Variants in PPM1H observed in about 807,000 individuals in gnomAD.
PPM1H encodes protein phosphatase 1H.
Under a neutral mutation model 54.9 loss-of-function variants are expected in PPM1H, and 27 were observed. The ratio of observed to expected loss-of-function variants is 0.49; its 90% CI spans 0.36 to 0.68. PPM1H has a LOEUF of 0.68. PPM1H is among the 30% of genes least tolerant of loss of function. The pLI, the probability that PPM1H is intolerant of heterozygous loss-of-function variation, is 0.00. For synonymous variants in PPM1H, 305 were observed against 270.8 expected (o/e 1.13, Z -1.24); for missense variants, 596 against 667.8 (o/e 0.89, Z 1.19).
At chr12:62,710,849 G>A (rs750332246) in intron 6 of PPM1H, among the ~76,000 whole-genome samples, 1 of 152,142 alleles carries the variant, frequency 6.6e-6, no homozygotes, top group African/African-American at 2.4e-5. Context: ...ACCTCCTGAG[G>A]CCAGCAGCAG....
intron 1 of PPM1H, among the ~76,000 whole-genome samples, chr12:62,868,014 T>C (rs1051258426): frequency 2.6e-5 from 4 of 152,160 alleles, no homozygotes; most frequent in East Asian, 1.9e-4. Context: ...TGTCTCACCA[T>C]GTCTAACAAG....
chr12:62,924,617 G>T (rs937214002), intron 1 of PPM1H, among the ~76,000 whole-genome samples: 2 of 152,172 alleles, frequency 1.3e-5, no homozygotes, highest in African/African-American at 4.8e-5. Context: ...GGCCGGCACA[G>T]AATTTTATGT....
intron 2 of PPM1H, among the ~76,000 whole-genome samples, chr12:62,825,615 G>A (rs1407267974): frequency 6.6e-6 from 1 of 152,114 alleles, no homozygotes; most frequent in Non-Finnish European, 1.5e-5. Context: ...CCATCATTCT[G>A]AGCAAACTAT....
chr12:62,833,702 C>CT (rs1868418852), intron 1 of PPM1H, among the ~76,000 whole-genome samples: 1 of 152,208 alleles, frequency 6.6e-6, no homozygotes, highest in Non-Finnish European at 1.5e-5. Context: ...TTCTGCCAAA[C>CT]TCTGGAACTC....
intron 1 of PPM1H, among the ~76,000 whole-genome samples, chr12:62,921,993 C>T (rs989082081): frequency 1.3e-5 from 2 of 152,126 alleles, no homozygotes; most frequent in African/African-American, 2.4e-5. Flanking sequence ...AAAAAAGAAA[C>T]ATCACTACAT....
At chr12:62,926,186 A>G (rs1027494752) in intron 1 of PPM1H, among the ~76,000 whole-genome samples, 1 of 152,184 alleles carries the variant, frequency 6.6e-6, no homozygotes, top group African/African-American at 2.4e-5. Context: ...TGGAGAAGTC[A>G]CCCGTGCCCT....
At chr12:62,744,332 G>A (rs928905061) in intron 4 of PPM1H, among the ~76,000 whole-genome samples, 6 of 152,072 alleles carry the variant, frequency 3.9e-5, no homozygotes, top group Middle Eastern at 3.4e-3. Context: ...TTAGCTGGGC[G>A]TGGTGGTGGG....
intron 1 of PPM1H, among the ~76,000 whole-genome samples, chr12:62,865,751 C>A (rs1039057524): frequency 2.0e-5 from 3 of 152,092 alleles, no homozygotes; most frequent in African/African-American, 4.8e-5. Context: ...CCTGCCTTGG[C>A]CTCCCACAGT....
At position 62,727,435 on chromosome 12, in the gene PPM1H, C is replaced by T. The variant is rs547866871; in HGVS notation, c.955-7146G>A. On this transcript the variant is annotated intron_variant, in intron 5 of 9. Transcript: ENST00000228705. ...TTGTATAAAAACCATCTTGGACCCA[C>T]GTAGTTTGGATTTAGTTAACTTCTT... 9.4e-4 allele frequency among the ~76,000 whole-genome samples: 143 copies of T among 152,098 alleles called. 3 individuals are homozygous for T. In the South Asian group the frequency reaches 0.024, roughly 26 times the overall value.
intron 1 of PPM1H, among the ~76,000 whole-genome samples, chr12:62,914,934 A>G (rs990651663): frequency 3.3e-5 from 5 of 152,124 alleles, no homozygotes; most frequent in African/African-American, 1.2e-4. Flanking sequence ...CTCTTCTCCA[A>G]CTCACCATTG....
At chr12:62,799,368 T>C (rs1474964603) in intron 3 of PPM1H, among the ~76,000 whole-genome samples, 2 of 152,218 alleles carry the variant, frequency 1.3e-5, no homozygotes, top group Non-Finnish European at 2.9e-5. Context: ...AAAGATGTCC[T>C]GTGGCACTAG....
intron 5 of PPM1H, among the ~76,000 whole-genome samples, chr12:62,729,646 CA>C (rs559378438): frequency 7.1e-4 from 108 of 152,328 alleles, no homozygotes; most frequent in African/African-American, 2.5e-3. Flanking sequence ...CAATCACTGT[CA>C]CTGCCCCAAA....
intron 4 of PPM1H, among the ~76,000 whole-genome samples, chr12:62,763,221 A>T (rs780559060): frequency 4.6e-5 from 7 of 152,190 alleles, no homozygotes; most frequent in African/African-American, 7.2e-5. Context: ...TTTGGGTGGA[A>T]TCAGGCGGAC....
chr12:62,818,135 T>A (rs963366912), intron 2 of PPM1H, among the ~76,000 whole-genome samples: 2 of 152,190 alleles, frequency 1.3e-5, no homozygotes, highest in African/African-American at 4.8e-5. Context: ...CACAATACCC[T>A]AAATATTTCC....
chr12:62,681,203 C>T (rs999414970), intron 8 of PPM1H, among the ~76,000 whole-genome samples: 6 of 152,080 alleles, frequency 3.9e-5, no homozygotes, highest in South Asian at 4.1e-4. Flanking sequence ...AGAAAACTTA[C>T]GGCAAAAAAG....
rs201526974 is a variant in PPM1H, at chr12:62,817,461, C to CAA, written c.411+14651_411+14652dup. Among the ~76,000 whole-genome samples, 596 of 134,746 alleles carry CAA rather than the reference C, an allele frequency of 4.4e-3. 5 individuals carry two copies. Among genetic ancestry groups the CAA allele is most frequent in the African/African-American group, 0.015 (574 of 37,434 alleles). The allele number at this position is 134,746 out of a possible 152,430, so 88.4% of individuals were successfully genotyped here. On this transcript the variant is annotated intron_variant, in intron 2 of 9. Coordinates refer to ENST00000228705, the MANE Select transcript of PPM1H (RefSeq NM_020700.2). ...TGGACAACAGAGAGAGACCCTGTCTCAAAAAAAAACAAACAAACAAACAAA... is the reference window on the plus strand; with the variant it reads ...TGGACAACAGAGAGAGACCCTGTCTCAAAAAAAAAAACAAACAAACAAACAAA...
At chr12:62,696,688 T>A (rs1002303074) in intron 6 of PPM1H, among the ~76,000 whole-genome samples, 3 of 152,224 alleles carry the variant, frequency 2.0e-5, no homozygotes, top group African/African-American at 7.2e-5. Context: ...ACTGAGCATC[T>A]TCTACATGCC....
At chr12:62,933,847 T>C (rs927722044) in intron 1 of PPM1H, 2 of 152,102 alleles carry the variant, frequency 1.3e-5, no homozygotes, top group Non-Finnish European at 2.9e-5. Flanking sequence ...TATTAGACAG[T>C]TGGAATAAGT....
At chr12:62,785,025 C>T (rs2076662547) in intron 4 of PPM1H, among the ~76,000 whole-genome samples, 1 of 152,010 alleles carries the variant, frequency 6.6e-6, no homozygotes, top group Non-Finnish European at 1.5e-5. Context: ...CATAATTAAG[C>T]TTATGAGGTT....
Sources: allele counts gnomAD v4.1 joint callset (sites outside exome capture counted in the v4.1 genomes callset), GRCh38; gene constraint gnomAD v4.1.1; transcripts MANE v1.5; gene names NCBI Gene and HGNC (gene_info 2026-07-23, HGNC 2026-07-21).